Variants in CLIP1 observed in about 807,000 individuals in gnomAD.
CLIP1 encodes CAP-Gly domain containing linker protein 1, also known as CAP-Gly domain-containing linker protein 1.
CLIP1 carries 66 observed loss-of-function variants against 161.6 expected under a neutral mutation model. The ratio of observed to expected loss-of-function variants is 0.41; its 90% CI spans 0.33 to 0.50. The LOEUF is 0.50. Ranked by LOEUF, CLIP1 falls within the 20% of genes least tolerant of loss-of-function variation. The pLI, the probability that CLIP1 is intolerant of heterozygous loss-of-function variation, is 0.27. For missense variants in CLIP1, 1,376 were observed against 1,702.0 expected, an observed-to-expected ratio of 0.81 and a Z score of 3.37; for synonymous variants, 598 against 626.2, an observed-to-expected ratio of 0.96 and a Z score of 0.67.
chr12:122,331,193 T>C (rs1329181398), intron 15 of CLIP1, among the ~76,000 whole-genome samples: 1 of 151,768 alleles, frequency 6.6e-6, no homozygotes, highest in Non-Finnish European at 1.5e-5. Context: ...TTTGTATCTT[T>C]AGTAGAGACG....
At chr12:122,376,738 G>A (rs971595769) in intron 3 of CLIP1, among the ~76,000 whole-genome samples, 6 of 152,010 alleles carry the variant, frequency 3.9e-5, no homozygotes, top group African/African-American at 1.5e-4. Flanking sequence ...CCAAAGTGCT[G>A]GGATTACAGG....
chr12:122,293,792 T>TTTTTTG (rs1555257583), intron 20 of CLIP1, among the ~76,000 whole-genome samples: 4 of 136,694 alleles, frequency 2.9e-5, no homozygotes, highest in African/African-American at 1.2e-4. Context: ...AATTTGTTTT[T>TTTTTTG]TTTTTTGTTT....
chr12:122,297,786 G>A (rs529255131), intron 20 of CLIP1, among the ~76,000 whole-genome samples: 75 of 152,298 alleles, frequency 4.9e-4, no homozygotes, highest in African/African-American at 1.6e-3. Flanking sequence ...AGGGAGTGGC[G>A]CAGACACAGT....
intron 20 of CLIP1, among the ~76,000 whole-genome samples, chr12:122,293,484 CTTT>C (rs71082961): frequency 3.4e-5 from 5 of 148,158 alleles, no homozygotes; most frequent in Non-Finnish European, 7.5e-5. Flanking sequence ...ATTTCTTTTT[CTTT>C]TTTTTTTTGA....
intron 1 of CLIP1, among the ~76,000 whole-genome samples, chr12:122,415,264 G>C (rs943990130): frequency 1.0e-4 from 14 of 136,592 alleles, no homozygotes; most frequent in African/African-American, 3.8e-4. Context: ...GGCGGATCAC[G>C]AGGTCAGGAG....
At position 122,385,884 on chromosome 12, in the gene CLIP1, A is replaced by T. The variant is rs139948407; in HGVS notation, c.-106-5326T>A. 7.8e-4 allele frequency among the ~76,000 whole-genome samples: 119 copies of T among 152,322 alleles called. 1 individual carries two copies. The highest frequency in any genetic ancestry group is 3.4e-3 in the Middle Eastern group (1 of 294). ...AGGCCATCCAAGTTTTAGCATAACA[A>T]GGAGGGAAAGAGAATGCAGAGAAGA... On this transcript the variant is annotated intron_variant, in intron 1 of 25. Transcript: ENST00000620786.
At chr12:122,314,612 C>T (rs1309532577) in intron 19 of CLIP1, among the ~76,000 whole-genome samples, 2 of 152,160 alleles carry the variant, frequency 1.3e-5, no homozygotes, top group African/African-American at 2.4e-5. Context: ...GGGAGCTTGG[C>T]GGTGGGATTA....
At chr12:122,357,344 A>G (rs1953466401) in intron 5 of CLIP1, among the ~76,000 whole-genome samples, 1 of 147,736 alleles carries the variant, frequency 6.8e-6, no homozygotes, top group Admixed American at 6.7e-5. Context: ...CTGAGAAGAG[A>G]GGAGACCCTC....
At chr12:122,366,569 G>GGT (rs1954182526) in intron 3 of CLIP1, among the ~76,000 whole-genome samples, 1 of 152,132 alleles carries the variant, frequency 6.6e-6, no homozygotes, top group Non-Finnish European at 1.5e-5. Flanking sequence ...GGCTGGGTGC[G>GGT]GTGGCTCAGG....
Position 122,281,465 on chromosome 12 carries a change from T to C in CLIP1, c.3648-2320A>G, listed in dbSNP as rs1167356520. Among the ~76,000 whole-genome samples, 10 of 151,976 alleles carry C rather than the reference T, an allele frequency of 6.6e-5. No individual in the cohort carries two copies. The South Asian group carries it at 1.7e-3, about 25-fold the overall frequency. ...ATTCTGGGAGGCCAAGGCAGGAGGA[T>C]CGCTTGAGGCCAGGAGTTCGAGACC... On this transcript the variant is annotated intron_variant, in intron 21 of 25. Transcript: ENST00000620786.
chr12:122,328,395 T>G lies in CLIP1; in HGVS notation c.2899A>C (p.Lys967Gln), dbSNP rs1417717785. The G allele has an allele frequency of 6.2e-7, 1 of 1,609,370 alleles. No homozygotes were observed. Among genetic ancestry groups the G allele is most frequent in the Middle Eastern group, 1.7e-4 (1 of 6,050 alleles). Residue 967 changes from lysine (K) to glutamine (Q), a missense_variant, in exon 16 of 26, where the codon AAG (lysine) becomes CAG (glutamine). Lys to Gln is a moderately conservative substitution (Grantham distance 53). This residue lies in a region of CLIP1 where 948 missense variants were observed against 1,134.8 expected (regional missense o/e 0.84). Transcript: ENST00000620786. The part of the protein sequence containing the change: ...DVEELQLKLT[K>Q]ANENASFLQK... ...AGAAAACTTGCATTTTCATTAGCCT[T>G]TGTAAGTTTTAGCTGTAATTCTTCT...
chr12:122,275,747 A>T (rs1955400546), intron 24 of CLIP1: 1 of 152,176 alleles, frequency 6.6e-6, no homozygotes, highest in Non-Finnish European at 1.5e-5. Context: ...GGCAGATTTG[A>T]AAAAGTCACA....
chr12:122,413,919 G>T (rs1956635739), intron 1 of CLIP1, among the ~76,000 whole-genome samples: 1 of 151,650 alleles, frequency 6.6e-6, no homozygotes, highest in Non-Finnish European at 1.5e-5. Flanking sequence ...AGATTCCTTG[G>T]TACTTGGTGC....
At chr12:122,315,057 T>A (rs775180156) in intron 19 of CLIP1, among the ~76,000 whole-genome samples, 5 of 152,164 alleles carry the variant, frequency 3.3e-5, no homozygotes, top group Non-Finnish European at 7.3e-5. Context: ...AAGCTGTGCA[T>A]CCCCTCGCAG....
chr12:122,318,191 C>T (rs534093535), intron 18 of CLIP1, among the ~76,000 whole-genome samples: 1 of 152,296 alleles, frequency 6.6e-6, no homozygotes, highest in African/African-American at 2.4e-5. Flanking sequence ...AGTTTGGCCA[C>T]TGCCTCCCCC....
intron 4 of CLIP1, 27 bp downstream of exon 4, chr12:122,363,956 C>T (rs769565810): frequency 1.9e-6 from 3 of 1,613,892 alleles, no homozygotes; most frequent in South Asian, 1.1e-5. Flanking sequence ...AAGAGTGACA[C>T]AAGATGTTGC....
Position 122,325,852 on chromosome 12 carries a change from G to A in CLIP1, c.3249+2095C>T, listed in dbSNP as rs138035720. ...GTATTTGTAGTAGAGACGGTCTCAC[G>A]ATGTTGTCCAGGGTGGTCTCAAACT... On this transcript the variant is annotated intron_variant, in intron 17 of 25. Coordinates refer to ENST00000620786, the MANE Select transcript of CLIP1 (RefSeq NM_001247997.2). Among the ~76,000 whole-genome samples, 121 of 152,104 alleles carry A rather than the reference G, an allele frequency of 8.0e-4. 1 individual carries two copies. The East Asian group carries it at 0.015, about 19-fold the overall frequency.
chr12:122,276,382 CCACA>C (rs71082959), intron 24 of CLIP1: 318 of 1,152,814 alleles, frequency 2.8e-4, no homozygotes, highest in Admixed American at 1.2e-3. Flanking sequence ...TAGTGGGAAA[CCACA>C]CACACACACA....
intron 20 of CLIP1, among the ~76,000 whole-genome samples, chr12:122,298,066 C>G (rs1950541617): frequency 6.6e-6 from 1 of 152,212 alleles, no homozygotes; most frequent in Non-Finnish European, 1.5e-5. Flanking sequence ...GCTGGGCCTG[C>G]ATCATGGCTC....
Sources: gnomAD v4.1 joint callset for allele counts (sites outside exome capture counted in the v4.1 genomes callset) on GRCh38, gnomAD v4.1.1 for gene constraint, gnomAD v4.1.1 regional missense constraint, MANE v1.5 for transcripts, NCBI Gene and HGNC (gene_info 2026-07-23, HGNC 2026-07-21) for gene names.